AK8: variants seen among roughly 807,000 people sequenced by gnomAD.
AK8 encodes the protein ATP-AMP transphosphorylase 8.
A neutral mutation model predicts 54.6 loss-of-function variants in AK8; 44 were observed. The observed-to-expected ratio is 0.81, with a 90% CI of 0.63 to 1.04. The LOEUF is 1.04. Among genes scored for constraint, AK8 ranks in the 50% least tolerant of loss-of-function variants. The pLI, the probability that AK8 is intolerant of heterozygous loss-of-function variation, is 0.00. For synonymous variants in AK8, 239 were observed against 245.6 expected (o/e 0.97, Z 0.25); for missense variants, 555 against 613.6 (o/e 0.90, Z 1.01).
chr9:132,824,278 C>T (rs1296307457), intron 8 of AK8, among the ~76,000 whole-genome samples: 1 of 152,246 alleles, frequency 6.6e-6, no homozygotes, highest in Non-Finnish European at 1.5e-5. Flanking sequence ...GCGTTCAAAA[C>T]AGGGCATCCT....
intron 4 of AK8, among the ~76,000 whole-genome samples, chr9:132,859,661 C>G (rs1393862536): frequency 6.6e-6 from 1 of 151,800 alleles, no homozygotes; most frequent in Admixed American, 6.6e-5. Flanking sequence ...TCCTCCCCCT[C>G]CTCGACCCGG....
intron 10 of AK8, among the ~76,000 whole-genome samples, chr9:132,805,416 C>G (rs541814490): frequency 6.6e-6 from 1 of 152,322 alleles, no homozygotes; most frequent in East Asian, 1.9e-4. Context: ...CCAGACCTAC[C>G]CCCCTCCGGC....
At chr9:132,765,789 T>G (rs1838701558) in intron 11 of AK8, among the ~76,000 whole-genome samples, 1 of 152,202 alleles carries the variant, frequency 6.6e-6, no homozygotes, top group African/African-American at 2.4e-5. Context: ...AAAACAAGTA[T>G]GCCCACTCTC....
chr9:132,848,284 C>T (rs1293406449), intron 5 of AK8, among the ~76,000 whole-genome samples: 2 of 152,142 alleles, frequency 1.3e-5, no homozygotes, highest in African/African-American at 4.8e-5. Flanking sequence ...TGGGAAAATG[C>T]TGGCCCATTT....
intron 2 of AK8, among the ~76,000 whole-genome samples, chr9:132,873,272 C>T (rs1843936160): frequency 6.6e-6 from 1 of 152,258 alleles, no homozygotes; most frequent in Non-Finnish European, 1.5e-5. Flanking sequence ...TTTCCCATTC[C>T]TTCAGCCACT....
At chr9:132,823,108 C>A (rs528074520) in intron 9 of AK8, 97 bp downstream of exon 9, 77 of 1,461,000 alleles carry the variant, frequency 5.3e-5, no homozygotes, top group South Asian at 3.8e-4. Flanking sequence ...ACCCTTCCCC[C>A]CCAACACCAC....
chr9:132,746,453 A>AG (rs1837657424), intron 11 of AK8, among the ~76,000 whole-genome samples: 1 of 152,232 alleles, frequency 6.6e-6, no homozygotes, highest in African/African-American at 2.4e-5. Flanking sequence ...TCCCCATCTA[A>AG]GGGGACAGGG....
chr9:132,805,674 TA>T (rs1408804946), intron 10 of AK8, among the ~76,000 whole-genome samples: 2 of 152,138 alleles, frequency 1.3e-5, no homozygotes, highest in East Asian at 3.9e-4. Flanking sequence ...AACCTGTTGA[TA>T]AGCAAAGGTG....
At chr9:132,835,219 C>T (rs1842274523) in intron 5 of AK8, among the ~76,000 whole-genome samples, 1 of 152,122 alleles carries the variant, frequency 6.6e-6, no homozygotes, top group Non-Finnish European at 1.5e-5. Context: ...ATTTAAATTC[C>T]TATCAAGTAT....
chr9:132,774,316 C>T (rs1210747385), intron 11 of AK8, among the ~76,000 whole-genome samples: 8 of 152,102 alleles, frequency 5.3e-5, no homozygotes, highest in African/African-American at 1.7e-4. Context: ...AACAAGGAGG[C>T]GATGCCTGGA....
rs148735566 is a variant in AK8 at position 132,755,284 on chromosome 9, A to G, written c.1122-27750T>C. 4.7e-4 allele frequency among the ~76,000 whole-genome samples: 71 copies of G among 152,194 alleles called. 1 individual carries two copies. In the East Asian group the frequency reaches 0.013, roughly 29 times the overall value. The stretch of plus-strand genomic sequence containing the variant: ...CACCCCCTCAGCCGCTTTCTTGCCT[A>G]TGGTATCTCCCAGGTGCCAGGTGCC... On this transcript the variant is annotated intron_variant, in intron 11 of 12. Transcript: ENST00000298545.
chr9:132,725,601 C>T lies in AK8; in HGVS notation c.*87G>A. 7.9e-7 allele frequency: 1 copy of T among 1,272,630 alleles called. No homozygotes were observed. Among genetic ancestry groups the T allele is most frequent in the Non-Finnish European group, 1.1e-6 (1 of 919,276 alleles). 78.8% of individuals were successfully genotyped at this position (1,272,630 alleles called of 1,614,324 possible). A position where few individuals can be genotyped will look rare whatever the true frequency, so the allele number is the denominator to read the frequency against. On this transcript the variant is annotated 3_prime_UTR_variant, in exon 13 of 13. Transcript: ENST00000298545. ...GACTGTATCCAGCAGGCTTTATTGG[C>T]TTTTTAGGGGAGCTGTGCCGAGGCT...
rs62576257 is a variant in AK8, at chr9:132,789,410, C to T, written c.1121+3224G>A. Among the ~76,000 whole-genome samples, 736 of 151,278 alleles carry T rather than the reference C, an allele frequency of 4.9e-3. 6 individuals carry two copies. The highest frequency in any genetic ancestry group is 0.017 in the African/African-American group (687 of 41,250). On this transcript the variant is annotated intron_variant, in intron 11 of 12. Coordinates refer to ENST00000298545, the MANE Select transcript of AK8 (RefSeq NM_152572.3). Reference sequence around the variant, plus strand: ...GTCAGGAGTTCGAGACCAGCCTGGCCGACATGGTAAAACCCGTCTCTAATA... The same window carrying T: ...GTCAGGAGTTCGAGACCAGCCTGGCTGACATGGTAAAACCCGTCTCTAATA...
intron 3 of AK8, among the ~76,000 whole-genome samples, chr9:132,866,252 C>T (rs1472302223): frequency 6.6e-6 from 1 of 152,144 alleles, no homozygotes; most frequent in Non-Finnish European, 1.5e-5. Context: ...AAGCACACAC[C>T]ACCAGTTTCT....
chr9:132,826,821 C>T lies in AK8; in HGVS notation c.757+33G>A. 1 of 1,608,596 alleles carries T rather than the reference C, an allele frequency of 6.2e-7. No individual in the cohort carries two copies. On this transcript the variant is annotated intron_variant, in intron 8 of 12. Coordinates refer to ENST00000298545, the MANE Select transcript of AK8 (RefSeq NM_152572.3). This position sits in a 1 kb window ranked among gnomAD's most constrained non-coding sequence, Gnocchi z 4.5. ...CACAGCGAGCCCCGCCCTTGGCCGT[C>T]TGTCCAGGGTGGGGCTGCCTGCTTG...
At chr9:132,852,084 C>G (rs1193585239) in intron 5 of AK8, among the ~76,000 whole-genome samples, 2 of 152,186 alleles carry the variant, frequency 1.3e-5, no homozygotes, top group Admixed American at 1.3e-4. Flanking sequence ...AAAAAACTCA[C>G]AGGACAAGCT....
Position 132,826,757 on chromosome 9 carries a change from A to G in AK8, c.757+97T>C. On this transcript the variant is annotated intron_variant, in intron 8 of 12. Coordinates refer to ENST00000298545, the MANE Select transcript of AK8 (RefSeq NM_152572.3). This position sits in a 1 kb window ranked among gnomAD's most constrained non-coding sequence, Gnocchi z 4.5. ...CCAGGGTCCCAGGCATGTCCCAGAC[A>G]CTGGCCACTACCAGAATAAGGGACA... 7.3e-7 allele frequency: 1 copy of G among 1,373,218 alleles called. No homozygotes were observed. The highest frequency in any genetic ancestry group is 1.4e-5 in the African/African-American group (1 of 70,020). The allele number at this position is 1,373,218 out of a possible 1,614,324, so 85.1% of individuals were successfully genotyped here.
At chr9:132,864,541 T>C (rs1843514230) in intron 3 of AK8, among the ~76,000 whole-genome samples, 1 of 152,188 alleles carries the variant, frequency 6.6e-6, no homozygotes, top group South Asian at 2.1e-4. Flanking sequence ...GGATTTGGCT[T>C]TGAAGCTGCC....
intron 10 of AK8, among the ~76,000 whole-genome samples, chr9:132,810,643 A>G (rs995186152): frequency 3.9e-5 from 6 of 152,244 alleles, no homozygotes; most frequent in African/African-American, 1.4e-4. Flanking sequence ...GACGAGGAAG[A>G]TAAGACTGTG....
Sources: gnomAD v4.1 joint callset for allele counts (sites outside exome capture counted in the v4.1 genomes callset) on GRCh38, gnomAD v4.1.1 for gene constraint, Gnocchi (gnomAD v3.1) non-coding constraint, MANE v1.5 for transcripts, NCBI Gene and HGNC (gene_info 2026-07-23, HGNC 2026-07-21) for gene names.